SLIT2: variants seen among roughly 807,000 people sequenced by gnomAD.
The protein encoded by SLIT2 is slit guidance ligand 2.
In SLIT2, 41 loss-of-function variants were observed where a neutral mutation model predicts 185.7. The observed-to-expected ratio is 0.22, with a 90% CI of 0.17 to 0.29. The LOEUF (loss-of-function observed/expected upper bound fraction) is 0.29, where lower values mean the gene tolerates loss of function less well. SLIT2 is among the 10% of genes least tolerant of loss of function. The probability of loss-of-function intolerance (pLI) is 1.00; values close to 1 mark genes in which losing one functional copy is unlikely to be tolerated. For synonymous variants in SLIT2, 693 were observed against 680.2 expected (o/e 1.02, Z -0.29); for missense variants, 1,571 against 1,909.0 (o/e 0.82, Z 3.30).
chr4:20,453,882 C>T (rs773239847), intron 4 of SLIT2, among the ~76,000 whole-genome samples: 1 of 152,082 alleles, frequency 6.6e-6, no homozygotes, highest in Admixed American at 6.6e-5. Flanking sequence ...GGTATAGGTA[C>T]GGAGAGGTTG....
At position 20,564,607 on chromosome 4, in the gene SLIT2, T is replaced by G. The variant is rs1724942450; in HGVS notation, c.2726-2655T>G. On this transcript the variant is annotated intron_variant, in intron 26 of 36. Transcript: ENST00000504154. ...AAAGATATGAAAAACAAGAAGCAAATAGAATGATAGCTAACTTTACCATTT... is the reference window on the plus strand; with the variant it reads ...AAAGATATGAAAAACAAGAAGCAAAGAGAATGATAGCTAACTTTACCATTT... Among the ~76,000 whole-genome samples the G allele has an allele frequency of 2.0e-5, 3 of 151,774 alleles. No homozygotes were observed. The South Asian group carries it at 6.2e-4, about 32-fold the overall frequency.
At chr4:20,467,994 C>G (rs551296245) in intron 5 of SLIT2, among the ~76,000 whole-genome samples, 171 bp downstream of exon 5, 1 of 152,056 alleles carries the variant, frequency 6.6e-6, no homozygotes, top group African/African-American at 2.4e-5. Flanking sequence ...AGCTGTTTGA[C>G]GAGATGCTCA....
chr4:20,465,620 C>T (rs1050882040), intron 4 of SLIT2, among the ~76,000 whole-genome samples: 1 of 152,088 alleles, frequency 6.6e-6, no homozygotes, highest in African/African-American at 2.4e-5. Flanking sequence ...CTTTTGCAAA[C>T]AAAAAATTTC....
At chr4:20,397,719 TATTTTTAG>T (rs1194638947) in intron 4 of SLIT2, among the ~76,000 whole-genome samples, 2 of 151,860 alleles carry the variant, frequency 1.3e-5, no homozygotes, top group Non-Finnish European at 1.5e-5. Flanking sequence ...AAATTGAGAC[TATTTTTAG>T]AGCAGTTTAC....
At chr4:20,294,551 A>G (rs1716285670) in intron 4 of SLIT2, among the ~76,000 whole-genome samples, 1 of 152,138 alleles carries the variant, frequency 6.6e-6, no homozygotes. Context: ...ACACTTAGAA[A>G]GTTTTTTGTT....
Position 20,568,983 on chromosome 4 carries a change from C to G in SLIT2, c.3067C>G (p.Leu1023Val). 6.2e-7 allele frequency: 1 copy of G among 1,612,344 alleles called. No individual in the cohort carries two copies. The highest frequency in any genetic ancestry group is 1.1e-5 in the South Asian group (1 of 91,046). ...CGATGGCATTAATAACTACACATGC[C>G]TTTGCCCACCTGAGTATACAGGTAC... ...CVDGINNYTC[L>V]CPPEYTGELC... The change falls in exon 29 of 37, where the codon CTT becomes GTT. Residue 1023 changes from leucine to valine, a missense_variant. Physicochemically the swap from Leu to Val is conservative, Grantham distance 32 (BLOSUM62 1). This residue lies in a region of SLIT2 where 1,202 missense variants were observed against 1,416.4 expected (regional missense o/e 0.85). Transcript: ENST00000504154.
intron 4 of SLIT2, among the ~76,000 whole-genome samples, chr4:20,350,401 G>A (rs1354465986): frequency 1.3e-5 from 2 of 151,750 alleles, no homozygotes; most frequent in Admixed American, 1.3e-4. Context: ...CTATTTTACT[G>A]GAGTCAATAA....
At chr4:20,282,653 C>CACTTG (rs1345356037) in intron 4 of SLIT2, among the ~76,000 whole-genome samples, 5 of 152,188 alleles carry the variant, frequency 3.3e-5, no homozygotes, top group African/African-American at 1.2e-4. Flanking sequence ...CTACAGTGTA[C>CACTTG]ACTTGTGTGT....
intron 4 of SLIT2, among the ~76,000 whole-genome samples, chr4:20,291,517 T>A (rs1715942945): frequency 8.2e-6 from 1 of 121,608 alleles, no homozygotes; most frequent in South Asian, 2.8e-4. Flanking sequence ...TTTTTTTTTT[T>A]TTTTTTACAG....
intron 4 of SLIT2, among the ~76,000 whole-genome samples, chr4:20,285,217 C>T (rs1314951842): frequency 2.0e-5 from 3 of 152,200 alleles, no homozygotes; most frequent in Non-Finnish European, 4.4e-5. Context: ...AGGGCGAGAT[C>T]ATGGGAGTGA....
At chr4:20,482,335 A>G (rs1009860185) in intron 6 of SLIT2, among the ~76,000 whole-genome samples, 2 of 152,032 alleles carry the variant, frequency 1.3e-5, no homozygotes, top group African/African-American at 4.8e-5. Context: ...GTAGTTCTTC[A>G]CTGTATTTAT....
At position 20,254,437 on chromosome 4, in the gene SLIT2, G is replaced by A. The variant is rs1043780085; in HGVS notation, c.179+443G>A. 1.3e-5 allele frequency among the ~76,000 whole-genome samples: 2 copies of A among 152,148 alleles called. No individual in the cohort carries two copies. Among genetic ancestry groups the A allele is most frequent in the East Asian group, 3.9e-4 (2 of 5,170 alleles). ...CAGGCTGGCGCGGAGGGGATAGCAG[G>A]GAGACTCAAAAGAGAGAAACTTGCC... On this transcript the variant is annotated intron_variant, in intron 1 of 36. Transcript: ENST00000504154. The surrounding 1 kb of genome is among the most constrained non-coding windows in gnomAD (Gnocchi z 5.1).
rs116323634 is a variant in SLIT2, at chr4:20,375,441, A to G, written c.396-92311A>G. On this transcript the variant is annotated intron_variant, in intron 4 of 36. Transcript: ENST00000504154. Reference sequence around the variant, plus strand: ...CTGGTTTATAAATAGAGGCCTGAAAATAGTTTATACTTAAAAATATCCTAA... The same window carrying G: ...CTGGTTTATAAATAGAGGCCTGAAAGTAGTTTATACTTAAAAATATCCTAA... Among the ~76,000 whole-genome samples, 1,039 of 152,228 alleles carry G rather than the reference A, an allele frequency of 6.8e-3. 22 individuals carry two copies. The highest frequency in any genetic ancestry group is 0.024 in the African/African-American group (982 of 41,572).
At chr4:20,260,816 T>A (rs1712374323) in intron 3 of SLIT2, among the ~76,000 whole-genome samples, 1 of 151,822 alleles carries the variant, frequency 6.6e-6, no homozygotes. Flanking sequence ...AATACAACAT[T>A]TTCAGATAAA....
intron 9 of SLIT2, among the ~76,000 whole-genome samples, chr4:20,494,969 G>C (rs1261341031): frequency 6.6e-6 from 1 of 152,038 alleles, no homozygotes; most frequent in Non-Finnish European, 1.5e-5. Flanking sequence ...ACAGCAGAGG[G>C]CTCTAATAAG....
intron 29 of SLIT2, among the ~76,000 whole-genome samples, chr4:20,579,020 G>A (rs1726304047): frequency 6.6e-6 from 1 of 152,128 alleles, no homozygotes; most frequent in Non-Finnish European, 1.5e-5. Flanking sequence ...GCCAAGGTGG[G>A]CACAGTAGCT....
intron 2 of SLIT2, 120 bp downstream of exon 2, chr4:20,256,863 C>T (rs1711905331): frequency 1.9e-6 from 1 of 532,756 alleles, no homozygotes; most frequent in Admixed American, 3.8e-5. Context: ...AAAGGTCATG[C>T]TTTCCTTTTT....
chr4:20,254,686 G>C lies in SLIT2; in HGVS notation c.179+692G>C, dbSNP rs921997488. On this transcript the variant is annotated intron_variant, in intron 1 of 36. Transcript: ENST00000504154. The surrounding 1 kb of genome is among the most constrained non-coding windows in gnomAD (Gnocchi z 5.1). ...CAGCGGGCGACTGCGAGGGAGGACC[G>C]TGTCCCATCCGTTAAGCGAAGTTAG... Among the ~76,000 whole-genome samples, 31 of 152,196 alleles carry C rather than the reference G, an allele frequency of 2.0e-4. No homozygotes were observed. Among genetic ancestry groups the C allele is most frequent in the Middle Eastern group, 3.4e-3 (1 of 294 alleles).
intron 30 of SLIT2, 94 bp from the exon 31 acceptor site, chr4:20,595,602 AT>A: frequency 6.7e-7 from 1 of 1,483,270 alleles, no homozygotes; most frequent in Non-Finnish European, 9.3e-7. Context: ...CTAAATAAGT[AT>A]TTTAAAGATG....
Sources: allele counts gnomAD v4.1 joint callset (sites outside exome capture counted in the v4.1 genomes callset), GRCh38; gene constraint gnomAD v4.1.1; regional missense constraint gnomAD v4.1.1; non-coding constraint Gnocchi (gnomAD v3.1); transcripts MANE v1.5; gene names NCBI Gene and HGNC (gene_info 2026-07-23, HGNC 2026-07-21).